The following SORCS2 variants were observed in gnomAD, a reference collection of about 807,000 sequenced individuals.
SORCS2 encodes VPS10 domain-containing receptor SorCS2.
SORCS2 carries 100 observed loss-of-function variants against 141.6 expected under a neutral mutation model. The ratio of observed to expected loss-of-function variants is 0.71; its 90% CI spans 0.60 to 0.83. The LOEUF (loss-of-function observed/expected upper bound fraction) is 0.83. Among genes scored for constraint, SORCS2 ranks in the 40% least tolerant of loss-of-function variants. The pLI is 0.00. For synonymous variants in SORCS2, 789 were observed against 676.9 expected, an observed-to-expected ratio of 1.17 and a Z score of -2.57; for missense variants, 1,646 against 1,560.2, an observed-to-expected ratio of 1.05 and a Z score of -0.93.
At position 7,725,291 on chromosome 4, in the gene SORCS2, C is replaced by T. The variant is rs760624306; in HGVS notation, c.2745+4C>T. Reference sequence around the variant, plus strand: ...GTGGATCGGCCACAGCCTGCAGGTGCGCTGGCTTTGCCCCAACTCAGCCCT... The same window carrying T: ...GTGGATCGGCCACAGCCTGCAGGTGTGCTGGCTTTGCCCCAACTCAGCCCT... On this transcript the variant is annotated splice_donor_region_variant and intron_variant, in intron 20 of 26. Coordinates refer to ENST00000507866, the MANE Select transcript of SORCS2 (RefSeq NM_020777.3). 8.1e-6 allele frequency: 13 copies of T among 1,611,458 alleles called. No homozygotes were observed. The highest frequency in any genetic ancestry group is 2.2e-5 in the East Asian group (1 of 44,856).
intron 8 of SORCS2, among the ~76,000 whole-genome samples, chr4:7,673,524 G>T (rs1722913149): frequency 6.6e-6 from 1 of 152,158 alleles, no homozygotes; most frequent in South Asian, 2.1e-4. Context: ...CTCTGCCTGT[G>T]ATGTAAAGGG....
At chr4:7,459,506 G>C (rs891508353) in intron 2 of SORCS2, among the ~76,000 whole-genome samples, 2 of 152,162 alleles carry the variant, frequency 1.3e-5, no homozygotes, top group African/African-American at 4.8e-5. Context: ...AGTTGAATAA[G>C]GTGACACCCA....
intron 1 of SORCS2, among the ~76,000 whole-genome samples, chr4:7,274,817 G>C (rs370845638): frequency 5.2e-4 from 79 of 152,318 alleles, no homozygotes; most frequent in African/African-American, 1.7e-3. Context: ...TGTCTTCTGG[G>C]GGAGGGGTGT....
chr4:7,469,858 G>A (rs934777573), intron 2 of SORCS2, among the ~76,000 whole-genome samples: 2 of 152,198 alleles, frequency 1.3e-5, no homozygotes, highest in African/African-American at 4.8e-5. Context: ...AGGCGAACAG[G>A]CTTCTGAGAT....
At chr4:7,710,916 T>A (rs148009825) in intron 14 of SORCS2, among the ~76,000 whole-genome samples, 54 of 152,306 alleles carry the variant, frequency 3.5e-4, no homozygotes, top group Non-Finnish European at 5.3e-4. Context: ...CTGGGGCTCC[T>A]GAACCCCACG....
At chr4:7,299,006 G>C (rs1260967276) in intron 1 of SORCS2, among the ~76,000 whole-genome samples, 1 of 152,248 alleles carries the variant, frequency 6.6e-6, no homozygotes, top group African/African-American at 2.4e-5. Context: ...GGGCATTAGC[G>C]GGAGGCCTCA....
At chr4:7,478,350 T>A (rs4546243) in intron 2 of SORCS2, among the ~76,000 whole-genome samples, 1 of 151,980 alleles carries the variant, frequency 6.6e-6, no homozygotes, top group Non-Finnish European at 1.5e-5. Flanking sequence ...CTCCAGGGCT[T>A]TGTTGAAATG....
intron 26 of SORCS2, among the ~76,000 whole-genome samples, chr4:7,739,538 G>A (rs1712477342): frequency 6.6e-6 from 1 of 152,210 alleles, no homozygotes; most frequent in African/African-American, 2.4e-5. Context: ...TCTGACCCAC[G>A]CCAGTCCTTT....
At position 7,267,554 on chromosome 4, in the gene SORCS2, G is replaced by C. The variant is rs371904222; in HGVS notation, c.480+74428G>C. ...ATGACAACACCAGCTCAGCCAGCCA[G>C]GCACCGTGGCTCATGTCTGTAGTCC... On this transcript the variant is annotated intron_variant, in intron 1 of 26. Coordinates refer to ENST00000507866, the MANE Select transcript of SORCS2 (RefSeq NM_020777.3). Among the ~76,000 whole-genome samples, 37 of 152,320 alleles carry C rather than the reference G, an allele frequency of 2.4e-4. 1 individual carries two copies. In the East Asian group the frequency reaches 6.8e-3, roughly 28 times the overall value.
At chr4:7,406,714 G>A (rs913383029) in intron 2 of SORCS2, among the ~76,000 whole-genome samples, 1 of 151,686 alleles carries the variant, frequency 6.6e-6, no homozygotes, top group South Asian at 2.1e-4. Flanking sequence ...TAGTTTGGTA[G>A]TCTCAATTTC....
At chr4:7,695,541 T>G (rs897840873) in intron 11 of SORCS2, among the ~76,000 whole-genome samples, 1 of 6,624 alleles carries the variant, frequency 1.5e-4, no homozygotes. Context: ...GGTGGGTGGG[T>G]GGATGGATGG....
At chr4:7,331,923 TG>T (rs1296347824) in intron 1 of SORCS2, among the ~76,000 whole-genome samples, 3 of 152,162 alleles carry the variant, frequency 2.0e-5, no homozygotes, top group Non-Finnish European at 4.4e-5. Flanking sequence ...AGGGTATGAC[TG>T]GGGCTGGAGC....
chr4:7,422,781 T>C (rs74491793), intron 2 of SORCS2, among the ~76,000 whole-genome samples: 32,430 of 152,052 alleles, frequency 0.21, 3,629 homozygotes, highest in Middle Eastern at 0.33. Flanking sequence ...CCTGCCCTTG[T>C]CCCCGAGAGT....
chr4:7,511,130 A>AAGG (rs953012224), intron 2 of SORCS2, among the ~76,000 whole-genome samples: 5 of 152,070 alleles, frequency 3.3e-5, no homozygotes, highest in African/African-American at 1.2e-4. Flanking sequence ...ACATGTAGAG[A>AAGG]AGGACAGATC....
At chr4:7,548,310 G>A (rs951214522) in intron 3 of SORCS2, among the ~76,000 whole-genome samples, 3 of 152,234 alleles carry the variant, frequency 2.0e-5, no homozygotes, top group South Asian at 4.1e-4. Context: ...CCTTGGCCTC[G>A]TGGGCAGTGA....
chr4:7,603,361 A>C (rs1410065778), intron 3 of SORCS2, among the ~76,000 whole-genome samples: 1 of 152,126 alleles, frequency 6.6e-6, no homozygotes, highest in African/African-American at 2.4e-5. Flanking sequence ...AGGTTCTGAA[A>C]TGGCAAATCC....
intron 1 of SORCS2, among the ~76,000 whole-genome samples, chr4:7,272,908 T>A (rs1436184520): frequency 1.3e-5 from 2 of 152,252 alleles, no homozygotes; most frequent in African/African-American, 4.8e-5. Flanking sequence ...CTTTGCTCTG[T>A]AATCATTTCT....
intron 3 of SORCS2, among the ~76,000 whole-genome samples, chr4:7,547,716 A>G (rs779890518): frequency 6.6e-6 from 1 of 152,136 alleles, no homozygotes; most frequent in East Asian, 1.9e-4. Context: ...TCTTCCCTGC[A>G]TGCACAGACC....
intron 2 of SORCS2, among the ~76,000 whole-genome samples, chr4:7,464,920 G>C (rs576997157): frequency 6.6e-6 from 1 of 152,206 alleles, no homozygotes; most frequent in Non-Finnish European, 1.5e-5. Context: ...CATGGGTCCC[G>C]GCAGCACAGC....
Sources: allele counts gnomAD v4.1 joint callset (sites outside exome capture counted in the v4.1 genomes callset), GRCh38; gene constraint gnomAD v4.1.1; transcripts MANE v1.5; gene names NCBI Gene and HGNC (gene_info 2026-07-23, HGNC 2026-07-21).